The following LHFPL3 variants were observed in gnomAD, a reference collection of about 807,000 sequenced individuals.
The protein encoded by LHFPL3 is LHFPL tetraspan subfamily member 3 protein.
LHFPL3 carries 5 observed loss-of-function variants against 19.3 expected under a neutral mutation model. That is an observed-to-expected ratio of 0.26 (90% CI 0.14 to 0.54). The LOEUF is 0.54. LHFPL3 is among the 20% of genes least tolerant of loss of function. The pLI, the probability that LHFPL3 is intolerant of heterozygous loss-of-function variation, is 0.94. For synonymous variants in LHFPL3, 133 were observed against 126.2 expected (o/e 1.05, Z -0.36); for missense variants, 249 against 307.4 (o/e 0.81, Z 1.42).
chr7:104,466,468 C>A lies in LHFPL3; in HGVS notation c.445+137244C>A, dbSNP rs17137824. 4.7e-3 allele frequency among the ~76,000 whole-genome samples: 718 copies of A among 152,256 alleles called. 2 individuals carry two copies. Among genetic ancestry groups the A allele is most frequent in the African/African-American group, 0.017 (693 of 41,536 alleles). On this transcript the variant is annotated intron_variant, in intron 1 of 2. Coordinates refer to ENST00000424859, the MANE Select transcript of LHFPL3 (RefSeq NM_199000.3). ...TGTGTTACCATACTTCAGACAGCTA[C>A]GTATATTGGTGCTACTACTAAAAAT...
chr7:104,575,072 C>T (rs1417589380), intron 1 of LHFPL3, among the ~76,000 whole-genome samples: 1 of 144,408 alleles, frequency 6.9e-6, no homozygotes, highest in Non-Finnish European at 1.5e-5. Flanking sequence ...CTTAAGCATA[C>T]TTTGGTTTCT....
intron 1 of LHFPL3, among the ~76,000 whole-genome samples, chr7:104,393,986 T>C (rs951648816): frequency 2.0e-5 from 3 of 152,160 alleles, no homozygotes; most frequent in Non-Finnish European, 4.4e-5. Flanking sequence ...ATGGATTTCT[T>C]GGGAGGCTGA....
At chr7:104,396,070 T>C (rs1314743982) in intron 1 of LHFPL3, among the ~76,000 whole-genome samples, 9 of 152,292 alleles carry the variant, frequency 5.9e-5, no homozygotes, top group Admixed American at 5.2e-4. Flanking sequence ...CTGCCCACTC[T>C]GTAGAGCAGC....
chr7:104,793,419 T>G (rs1790061110), intron 2 of LHFPL3, among the ~76,000 whole-genome samples: 1 of 152,192 alleles, frequency 6.6e-6, no homozygotes, highest in South Asian at 2.1e-4. Flanking sequence ...GGTTTTTCAT[T>G]GTGAAGAAAT....
chr7:104,435,348 G>T (rs1229755860), intron 1 of LHFPL3, among the ~76,000 whole-genome samples: 1 of 151,870 alleles, frequency 6.6e-6, no homozygotes. Flanking sequence ...ACTGGGTCTT[G>T]CCAGGCTGCT....
intron 2 of LHFPL3, chr7:104,826,510 A>G: frequency 6.2e-6 from 1 of 162,256 alleles, no homozygotes. Context: ...TGGATTCTGA[A>G]AGTAACGATA....
chr7:104,472,390 A>G (rs75782629), intron 1 of LHFPL3, among the ~76,000 whole-genome samples: 10,246 of 152,186 alleles, frequency 0.067, 493 homozygotes, highest in East Asian at 0.19. Context: ...ACTTCATTCT[A>G]TTTTTATCAG....
chr7:104,705,051 T>A (rs1793167464), intron 1 of LHFPL3, among the ~76,000 whole-genome samples: 1 of 152,204 alleles, frequency 6.6e-6, no homozygotes, highest in African/African-American at 2.4e-5. Flanking sequence ...TCTTTTCCTT[T>A]AATCTATTTT....
rs62485101 is a variant in LHFPL3 at position 104,467,996 on chromosome 7, G to T, written c.445+138772G>T. On this transcript the variant is annotated intron_variant, in intron 1 of 2. Transcript: ENST00000424859. ...TTATCTGGCTCTAACTCAGGAAAGA[G>T]GTATCTGTCTGTTCAGTGTACCCTA... Among the ~76,000 whole-genome samples, 174 of 152,272 alleles carry T rather than the reference G, an allele frequency of 1.1e-3. 2 individuals carry two copies. Among genetic ancestry groups the T allele is most frequent in the Non-Finnish European group, 2.0e-3 (136 of 68,030 alleles).
intron 2 of LHFPL3, among the ~76,000 whole-genome samples, chr7:104,771,027 G>A (rs1178101585): frequency 1.3e-5 from 2 of 152,084 alleles, no homozygotes; most frequent in African/African-American, 4.8e-5. Context: ...TATATTTATG[G>A]ATGAAAGAAA....
intron 1 of LHFPL3, among the ~76,000 whole-genome samples, chr7:104,486,222 G>C (rs13232636): frequency 0.38 from 57,832 of 151,960 alleles, 11,963 homozygotes; most frequent in Middle Eastern, 0.51. Context: ...ACATAGACTT[G>C]AGCAAAATGT....
At chr7:104,508,104 A>C (rs1793735755) in intron 1 of LHFPL3, among the ~76,000 whole-genome samples, 1 of 151,474 alleles carries the variant, frequency 6.6e-6, no homozygotes, top group South Asian at 2.1e-4. Flanking sequence ...CCATCCCATT[A>C]CTGGGTATAT....
At chr7:104,364,160 A>C (rs1790441424) in intron 1 of LHFPL3, among the ~76,000 whole-genome samples, 2 of 152,234 alleles carry the variant, frequency 1.3e-5, no homozygotes, top group Non-Finnish European at 2.9e-5. Flanking sequence ...CCTGGGAGAC[A>C]GAAGAAACAA....
chr7:104,508,391 T>C (rs1793742640), intron 1 of LHFPL3, among the ~76,000 whole-genome samples: 1 of 141,904 alleles, frequency 7.0e-6, no homozygotes, highest in Non-Finnish European at 1.5e-5. Flanking sequence ...TTCTCACTCA[T>C]AGGTGGGAAT....
intron 1 of LHFPL3, among the ~76,000 whole-genome samples, chr7:104,439,420 C>CTA (rs1369763216): frequency 2.0e-5 from 3 of 152,014 alleles, no homozygotes; most frequent in African/African-American, 4.8e-5. Flanking sequence ...TTAAATCCAA[C>CTA]TATATATATA....
intron 1 of LHFPL3, among the ~76,000 whole-genome samples, chr7:104,711,031 T>C (rs1793291919): frequency 6.6e-6 from 1 of 152,246 alleles, no homozygotes. Context: ...GGTTTAGAGC[T>C]ATGAAGTTTG....
intron 1 of LHFPL3, among the ~76,000 whole-genome samples, chr7:104,440,420 G>C (rs538090984): frequency 8.6e-4 from 131 of 151,492 alleles, no homozygotes; most frequent in African/African-American, 2.8e-3. Flanking sequence ...GTCGTGGGGT[G>C]GGGGGAGTGG....
At chr7:104,353,880 T>C (rs1790223967) in intron 1 of LHFPL3, among the ~76,000 whole-genome samples, 1 of 152,248 alleles carries the variant, frequency 6.6e-6, no homozygotes, top group African/African-American at 2.4e-5. Context: ...CAGAGCCACC[T>C]ACCTGGTAAG....
chr7:104,874,570 A>G (rs139539960), intron 2 of LHFPL3, among the ~76,000 whole-genome samples: 1 of 151,720 alleles, frequency 6.6e-6, no homozygotes, highest in East Asian at 1.9e-4. Context: ...AATTTTTTGT[A>G]TTTTTTGTAT....
Sources: gnomAD v4.1 joint callset for allele counts (sites outside exome capture counted in the v4.1 genomes callset) on GRCh38, gnomAD v4.1.1 for gene constraint, MANE v1.5 for transcripts, NCBI Gene and HGNC (gene_info 2026-07-23, HGNC 2026-07-21) for gene names.